Variants in ACP2 observed in about 807,000 individuals in gnomAD.
ACP2 encodes acid phosphatase 2, lysosomal, also known as lysosomal acid phosphatase.
In ACP2, 35 loss-of-function variants were observed where a neutral mutation model predicts 54.7. The ratio of observed to expected loss-of-function variants is 0.64; its 90% CI spans 0.49 to 0.85. The LOEUF is 0.85. ACP2 is among the 40% of genes least tolerant of loss of function. ACP2 has a pLI of 0.00. For missense variants in ACP2, 492 were observed against 565.0 expected, an observed-to-expected ratio of 0.87 and a Z score of 1.31; for synonymous variants, 210 against 224.4, an observed-to-expected ratio of 0.94 and a Z score of 0.57.
chr11:47,248,675 C>A lies in ACP2; in HGVS notation c.114+1G>T. 1 of 1,609,914 alleles carries A rather than the reference C, an allele frequency of 6.2e-7. No homozygotes were observed. Among genetic ancestry groups the A allele is most frequent in the Non-Finnish European group, 8.5e-7 (1 of 1,178,246 alleles). On this transcript the variant is annotated splice_donor_variant, in intron 1 of 10. Coordinates refer to ENST00000672073, the MANE Select transcript of ACP2 (RefSeq NM_001610.4). LOFTEE classifies it high-confidence loss of function. ...TCTTTGGTGAGCCCATCTCTCATTA[C>A]CAAGGTAACGAAGCGCAGACTCCGG...
intron 7 of ACP2, among the ~76,000 whole-genome samples, chr11:47,244,340 C>A (rs1431186786): frequency 2.6e-5 from 4 of 152,056 alleles, no homozygotes; most frequent in Non-Finnish European, 4.4e-5. Flanking sequence ...CATGGTGAAA[C>A]CCCGTTCCTA....
intron 4 of ACP2, 22 bp downstream of exon 4, chr11:47,245,660 G>A (rs1954042265): frequency 6.2e-7 from 1 of 1,613,354 alleles, no homozygotes; most frequent in Non-Finnish European, 8.5e-7. Flanking sequence ...CACCACCCCA[G>A]GGAAGGGCTG....
At chr11:47,243,891 C>G (rs1048257183) in intron 7 of ACP2, among the ~76,000 whole-genome samples, 2 of 152,074 alleles carry the variant, frequency 1.3e-5, no homozygotes, top group Admixed American at 6.6e-5. Context: ...AATCCCAGCA[C>G]TTTGGAAGGC....
In ACP2 at chr11:47,248,679, G is replaced by C. The variant is rs756569349; in HGVS notation, c.111C>G (p.Thr37=). The part of the protein sequence containing the change: ...PTRARSLRFV[T]LLYRHGDRSP... ...TGGTGAGCCCATCTCTCATTACCAA[G>C]GTAACGAAGCGCAGACTCCGGGCCC... Residue 37 remains threonine, a synonymous_variant, in exon 1 of 11, where the codon ACC becomes ACG. Transcript: ENST00000672073. The C allele has an allele frequency of 5.6e-6, 9 of 1,610,534 alleles. No individual in the cohort carries two copies. The African/African-American group carries it at 9.3e-5, about 17-fold the overall frequency.
intron 3 of ACP2, among the ~76,000 whole-genome samples, chr11:47,246,078 C>T (rs893667285): frequency 6.6e-6 from 1 of 152,168 alleles, no homozygotes; most frequent in African/African-American, 2.4e-5. Context: ...CCAAACACTC[C>T]ACTGGGGGTT....
chr11:47,245,448 T>G, intron 5 of ACP2, 26 bp downstream of exon 5: 1 of 1,614,188 alleles, frequency 6.2e-7, no homozygotes, highest in Non-Finnish European at 8.5e-7. Flanking sequence ...GACAGCGTGG[T>G]GAGCTGCACC....
At position 47,247,680 on chromosome 11, in the gene ACP2, G is replaced by A; in HGVS notation, c.258C>T (p.Arg86=). The change falls in exon 3 of 11, where the codon CGC becomes CGT. Residue 86 remains arginine (R), a synonymous_variant. Transcript: ENST00000672073. ...HWELGQALRQ[R]YHGFLNTSYH... is the part of the protein sequence containing the mutation. ...AAGAGGTGTTTAGGAAGCCGTGATA[G>A]CGCTGCCGCAGGGCCTGGCCCAGTT... 1.2e-6 allele frequency: 2 copies of A among 1,614,182 alleles called. No homozygotes were observed. The highest frequency in any genetic ancestry group is 1.7e-6 in the Non-Finnish European group (2 of 1,180,048).
intron 10 of ACP2, among the ~76,000 whole-genome samples, chr11:47,241,442 G>A (rs185717458): frequency 2.0e-5 from 3 of 152,138 alleles, no homozygotes; most frequent in Non-Finnish European, 2.9e-5. Flanking sequence ...ACTTACACCC[G>A]GGAGGCGGAG....
chr11:47,248,031 G>T lies in ACP2; in HGVS notation c.210+7C>A, dbSNP rs780676346. The T allele has an allele frequency of 6.1e-5, 97 of 1,587,012 alleles. No homozygotes were observed. The Admixed American group carries it at 1.8e-3, about 30-fold the overall frequency. ...TCATCCTGAGGAAAGGCTGGCTTCT[G>T]ACCCACCTTGGTTAACTGACCAAAC... On this transcript the variant is annotated splice_region_variant and intron_variant, in intron 2 of 10. Coordinates refer to ENST00000672073, the MANE Select transcript of ACP2 (RefSeq NM_001610.4).
Position 47,243,133 on chromosome 11 carries a change from G to A in ACP2, c.856-9C>T. Reference sequence around the variant, plus strand: ...ACCAGGGTAGTGTCGTGCTGCGGGGGAGAGGGGCTGCCCGTCAGCATTGTT... The same window carrying A: ...ACCAGGGTAGTGTCGTGCTGCGGGGAAGAGGGGCTGCCCGTCAGCATTGTT... On this transcript the variant is annotated splice_polypyrimidine_tract_variant and intron_variant, in intron 8 of 10. Transcript: ENST00000672073. 1 of 1,613,972 alleles carries A rather than the reference G, an allele frequency of 6.2e-7. No individual in the cohort carries two copies. The highest frequency in any genetic ancestry group is 8.5e-7 in the Non-Finnish European group (1 of 1,179,830).
At chr11:47,247,989 G>T in intron 2 of ACP2, 49 bp downstream of exon 2, 13 of 1,482,934 alleles carry the variant, frequency 8.8e-6, no homozygotes, top group Non-Finnish European at 1.2e-5. Flanking sequence ...TGCTCTAGAC[G>T]TCGCTCATTC....
At chr11:47,242,544 A>G (rs923808873) in intron 10 of ACP2, among the ~76,000 whole-genome samples, 179 bp downstream of exon 10, 3 of 152,070 alleles carry the variant, frequency 2.0e-5, no homozygotes, top group Non-Finnish European at 4.4e-5. Flanking sequence ...CGGTGATACA[A>G]GTGAGACATC....
At chr11:47,247,579 T>G (rs1954214375) in intron 3 of ACP2, 62 bp downstream of exon 3, 3 of 1,598,372 alleles carry the variant, frequency 1.9e-6, no homozygotes, top group African/African-American at 1.3e-5. Flanking sequence ...TTAGGCTCCC[T>G]GAGGGCAAAA....
intron 7 of ACP2, 66 bp downstream of exon 7, chr11:47,244,669 C>T: frequency 7.6e-7 from 1 of 1,318,412 alleles, no homozygotes; most frequent in South Asian, 1.5e-5. Context: ...TGAGAAGCCC[C>T]CACAGCAGAT....
At chr11:47,241,583 A>G (rs1044089715) in intron 10 of ACP2, among the ~76,000 whole-genome samples, 1 of 152,228 alleles carries the variant, frequency 6.6e-6, no homozygotes, top group Non-Finnish European at 1.5e-5. Context: ...AGAACCAGAA[A>G]GAACTAGGAA....
At chr11:47,240,930 C>G (rs1591009019) in intron 10 of ACP2, among the ~76,000 whole-genome samples, 1 of 152,072 alleles carries the variant, frequency 6.6e-6, no homozygotes, top group East Asian at 1.9e-4. Context: ...AGAAGTTTAA[C>G]AGAGACCTGG....
chr11:47,245,064 T>A, intron 6 of ACP2, 197 bp from the exon 7 acceptor site: 1 of 1,087,036 alleles, frequency 9.2e-7, no homozygotes, highest in Non-Finnish European at 1.3e-6. Flanking sequence ...GCACAAAAAG[T>A]GAGACTCAGC....
In ACP2 at chr11:47,243,310, C is replaced by A. The variant is rs1221453971; in HGVS notation, c.784G>T (p.Ala262Ser). ...AGGGTCAGGTTCTTCCTTATCTGAG[C>A]CAGCAGGACTCCTGAAGGAGAAAAG... is the stretch of plus-strand genomic sequence containing the variant. ...KARLQGGVLL[A>S]QIRKNLTLMA... Residue 262 changes from alanine (A) to serine (S), a missense_variant, in exon 8 of 11, where the codon GCT (alanine) becomes TCT (serine). Coordinates refer to ENST00000672073, the MANE Select transcript of ACP2 (RefSeq NM_001610.4). 3 of 1,614,146 alleles carry A rather than the reference C, an allele frequency of 1.9e-6. No homozygotes were observed. The highest frequency in any genetic ancestry group is 2.2e-5 in the East Asian group (1 of 44,874).
rs2049240839 is a variant in ACP2, at chr11:47,247,635, C to T, written c.297+6G>A. On this transcript the variant is annotated splice_donor_region_variant and intron_variant, in intron 3 of 10. Coordinates refer to ENST00000672073, the MANE Select transcript of ACP2 (RefSeq NM_001610.4). ...TTCCCCTTGCCTCTGGAGCTCCCAA[C>T]CTTACCTCTTGCCGGTGATAAGAGG... The T allele has an allele frequency of 6.2e-7, 1 of 1,614,080 alleles. No homozygotes were observed. Among genetic ancestry groups the T allele is most frequent in the African/African-American group, 1.3e-5 (1 of 74,942 alleles).
Sources: gnomAD v4.1 joint callset for allele counts (sites outside exome capture counted in the v4.1 genomes callset) on GRCh38, gnomAD v4.1.1 for gene constraint, MANE v1.5 for transcripts, NCBI Gene and HGNC (gene_info 2026-07-23, HGNC 2026-07-21) for gene names.